The following EPHB1 variants were observed in gnomAD, a reference collection of about 807,000 sequenced individuals.
EPHB1 encodes ephrin type-B receptor 1.
A neutral mutation model predicts 94.4 loss-of-function variants in EPHB1; 30 were observed. The observed-to-expected ratio is 0.32, with a 90% confidence interval of 0.24 to 0.43. EPHB1 has a LOEUF of 0.43. Among genes scored for constraint, EPHB1 ranks in the 20% least tolerant of loss-of-function variants. The pLI, the probability that EPHB1 is intolerant of heterozygous loss-of-function variation, is 1.00. For missense variants in EPHB1, 1,055 were observed against 1,308.3 expected (o/e 0.81, Z 2.99); for synonymous variants, 522 against 489.1 (o/e 1.07, Z -0.89).
intron 9 of EPHB1, among the ~76,000 whole-genome samples, chr3:135,171,464 A>ATCACAC (rs1241138986): frequency 6.6e-6 from 1 of 152,214 alleles, no homozygotes; most frequent in Non-Finnish European, 1.5e-5. Context: ...AGGGAAGCTT[A>ATCACAC]TCGAGTGTGT....
At chr3:134,798,980 G>A (rs2035885332) in intron 1 of EPHB1, among the ~76,000 whole-genome samples, 1 of 152,228 alleles carries the variant, frequency 6.6e-6, no homozygotes, top group South Asian at 2.1e-4. Flanking sequence ...CTGCTCTTTT[G>A]TGTAGCCTAT....
intron 2 of EPHB1, among the ~76,000 whole-genome samples, chr3:134,940,352 T>C (rs1461772776): frequency 6.6e-6 from 1 of 152,220 alleles, no homozygotes; most frequent in Non-Finnish European, 1.5e-5. Flanking sequence ...TCTTTCAGTC[T>C]TCGTATTACC....
chr3:134,815,415 T>C (rs2036252057), intron 1 of EPHB1, among the ~76,000 whole-genome samples: 1 of 151,834 alleles, frequency 6.6e-6, no homozygotes, highest in South Asian at 2.1e-4. Flanking sequence ...AAAATATATA[T>C]GTAATATCAT....
In EPHB1 at chr3:135,009,885, G is replaced by A. The variant is rs114785690; in HGVS notation, c.805+57833G>A. On this transcript the variant is annotated intron_variant, in intron 3 of 15. Coordinates refer to ENST00000398015, the MANE Select transcript of EPHB1 (RefSeq NM_004441.5). ...ACTTTTTTGTGTGAAAATAGTAGAC[G>A]CTATTATTTGCTTTTTAAATCAAGT... 4.8e-3 allele frequency among the ~76,000 whole-genome samples: 724 copies of A among 152,210 alleles called. 5 individuals are homozygous for A. The highest frequency in any genetic ancestry group is 0.017 in the African/African-American group (696 of 41,544).
At chr3:135,204,972 C>G (rs939530624) in intron 12 of EPHB1, among the ~76,000 whole-genome samples, 4 of 130,468 alleles carry the variant, frequency 3.1e-5, no homozygotes, top group African/African-American at 8.5e-5. Context: ...TGGTAACCAT[C>G]CTTCTACTCT....
chr3:135,133,054 G>A lies in EPHB1; in HGVS notation c.1297+5G>A. On this transcript the variant is annotated splice_donor_5th_base_variant and intron_variant, in intron 5 of 15. Transcript: ENST00000398015. ...ACATCACCACAAACCAAGCCGGTAA[G>A]TCTGGAGGCTTCTGTGCTCCTGTTT... 6.4e-7 allele frequency: 1 copy of A among 1,573,520 alleles called. No individual in the cohort carries two copies. Among genetic ancestry groups the A allele is most frequent in the Non-Finnish European group, 8.7e-7 (1 of 1,154,340 alleles).
chr3:135,091,760 T>C (rs907601393), intron 3 of EPHB1, among the ~76,000 whole-genome samples: 2 of 152,160 alleles, frequency 1.3e-5, no homozygotes, highest in African/African-American at 4.8e-5. Context: ...GTGTGTTTCC[T>C]ATTTGCTCTG....
intron 12 of EPHB1, among the ~76,000 whole-genome samples, chr3:135,212,970 T>G (rs1041062093): frequency 3.9e-5 from 6 of 152,212 alleles, no homozygotes; most frequent in Non-Finnish European, 7.3e-5. Flanking sequence ...ACCTCTCTAC[T>G]CCATCTTAAT....
chr3:134,982,423 A>G (rs1414256579), intron 3 of EPHB1, among the ~76,000 whole-genome samples: 1 of 152,192 alleles, frequency 6.6e-6, no homozygotes, highest in South Asian at 2.1e-4. Context: ...ATGGAATGCA[A>G]ATCTTGCCAG....
At chr3:135,041,822 C>T (rs1015428820) in intron 3 of EPHB1, among the ~76,000 whole-genome samples, 2 of 152,078 alleles carry the variant, frequency 1.3e-5, no homozygotes, top group African/African-American at 4.8e-5. Context: ...CTGGGGAGGG[C>T]CTTCTTGCTG....
chr3:134,857,281 C>T (rs969233014), intron 1 of EPHB1, among the ~76,000 whole-genome samples: 6 of 152,176 alleles, frequency 3.9e-5, no homozygotes, highest in Non-Finnish European at 5.9e-5. Context: ...GTATATTTTC[C>T]TTCATCTGAG....
At chr3:135,123,010 C>T (rs1940038209) in intron 4 of EPHB1, among the ~76,000 whole-genome samples, 1 of 152,186 alleles carries the variant, frequency 6.6e-6, no homozygotes, top group African/African-American at 2.4e-5. Context: ...GCTGAGATGC[C>T]TCAGGGACAG....
chr3:135,135,198 G>C (rs559494167), intron 5 of EPHB1, among the ~76,000 whole-genome samples: 1 of 152,200 alleles, frequency 6.6e-6, no homozygotes, highest in South Asian at 2.1e-4. Context: ...TCTGGTGTCA[G>C]AGAGTTTACA....
intron 1 of EPHB1, among the ~76,000 whole-genome samples, chr3:134,796,999 G>T (rs965278476): frequency 6.6e-6 from 1 of 152,264 alleles, no homozygotes; most frequent in Non-Finnish European, 1.5e-5. Context: ...TGGAAGTGAA[G>T]CTGGAGGGGC....
chr3:134,827,015 C>T (rs1410504628), intron 1 of EPHB1, among the ~76,000 whole-genome samples: 1 of 152,216 alleles, frequency 6.6e-6, no homozygotes, highest in Non-Finnish European at 1.5e-5. Flanking sequence ...CTGTACAGGG[C>T]CTGGAATAAT....
At chr3:134,871,037 C>G (rs1331274266) in intron 1 of EPHB1, among the ~76,000 whole-genome samples, 3 of 152,156 alleles carry the variant, frequency 2.0e-5, no homozygotes, top group African/African-American at 4.8e-5. Context: ...CCTGTGAGCC[C>G]TTTACCATGG....
At chr3:134,796,959 C>A (rs2035842245) in intron 1 of EPHB1, among the ~76,000 whole-genome samples, 1 of 152,186 alleles carries the variant, frequency 6.6e-6, no homozygotes, top group East Asian at 1.9e-4. Flanking sequence ...GGTTTGGTGC[C>A]CCCCGCCATT....
intron 12 of EPHB1, among the ~76,000 whole-genome samples, chr3:135,231,939 C>A (rs908057650): frequency 1.9e-4 from 29 of 152,188 alleles, no homozygotes; most frequent in Admixed American, 8.5e-4. Context: ...AAGATTGTGG[C>A]TTCTGGAAAG....
At chr3:135,161,048 G>C (rs879412056) in intron 6 of EPHB1, among the ~76,000 whole-genome samples, 2 of 152,158 alleles carry the variant, frequency 1.3e-5, no homozygotes, top group Non-Finnish European at 2.9e-5. Flanking sequence ...GCGTTGGGTG[G>C]GGTGGATGGG....
Sources: allele counts gnomAD v4.1 joint callset (sites outside exome capture counted in the v4.1 genomes callset), GRCh38; gene constraint gnomAD v4.1.1; transcripts MANE v1.5; gene names NCBI Gene and HGNC (gene_info 2026-07-23, HGNC 2026-07-21).